The following AKR1C3 variants were observed in gnomAD, a reference collection of about 807,000 sequenced individuals.
AKR1C3 encodes aldo-keto reductase family 1 member C3, also known as 3-alpha hydroxysteroid dehydrogenase, type II.
Under a neutral mutation model 43.6 loss-of-function variants are expected in AKR1C3, and 48 were observed. That is an observed-to-expected ratio of 1.10 (90% CI 0.87 to 1.40). The LOEUF (loss-of-function observed/expected upper bound fraction) is 1.40, where lower values mean the gene tolerates loss of function less well. AKR1C3 is among the 40% of genes most tolerant of loss of function. The pLI is 0.00. For synonymous variants in AKR1C3, 162 were observed against 139.6 expected, an observed-to-expected ratio of 1.16 and a Z score of -1.13; for missense variants, 482 against 391.2, an observed-to-expected ratio of 1.23 and a Z score of -1.96.
chr10:5,090,979 T>G (rs1554784099), upstream of AKR1C3, among the ~76,000 whole-genome samples: 1 of 152,140 alleles, frequency 6.6e-6, no homozygotes, highest in African/African-American at 2.4e-5. Context: ...AAGTCAAGAA[T>G]GTTTTGATAG....
At chr10:5,067,506 G>T (rs1453393790) in intron 1 of AKR1C3, among the ~76,000 whole-genome samples, 1 of 152,180 alleles carries the variant, frequency 6.6e-6, no homozygotes, top group Non-Finnish European at 1.5e-5. Flanking sequence ...GATGTTCTCA[G>T]AAGATCCAAA....
At chr10:5,087,403 C>G (rs1342505836) in intron 1 of AKR1C3, among the ~76,000 whole-genome samples, 2 of 142,648 alleles carry the variant, frequency 1.4e-5, no homozygotes, top group African/African-American at 5.3e-5. Context: ...TTTTGAGGCT[C>G]GCTCTGTTGC....
chr10:5,096,054 T>C (rs1026884700), intron 1 of AKR1C3: 82 of 170,204 alleles, frequency 4.8e-4, no homozygotes, highest in Admixed American at 3.4e-3. Context: ...TCATATGAGC[T>C]TGCACCGTTT....
intron 1 of AKR1C3, among the ~76,000 whole-genome samples, chr10:5,069,901 C>T (rs367763041): frequency 1.1e-4 from 17 of 152,106 alleles, no homozygotes; most frequent in East Asian, 3.8e-4. Flanking sequence ...AGAGCCCTTC[C>T]GCCTTCTGCG....
At chr10:5,085,334 C>A (rs1370214142) in intron 1 of AKR1C3, among the ~76,000 whole-genome samples, 1 of 151,862 alleles carries the variant, frequency 6.6e-6, no homozygotes, top group South Asian at 2.1e-4. Context: ...TTGAGATAAT[C>A]ATGTGGTTTT....
chr10:5,099,178 G>A, intron 4 of AKR1C3, 149 bp from the exon 5 acceptor site: 1 of 1,342,396 alleles, frequency 7.4e-7, no homozygotes, highest in Non-Finnish European at 1.0e-6. Flanking sequence ...TCCCCTATTT[G>A]CTGTTTGAAT....
At chr10:5,084,781 G>A (rs1838923613) in intron 1 of AKR1C3, among the ~76,000 whole-genome samples, 2 of 152,136 alleles carry the variant, frequency 1.3e-5, no homozygotes, top group African/African-American at 2.4e-5. Context: ...TCTCCTTGAA[G>A]AGGTCCTTCA....
chr10:5,074,217 C>T (rs922132660), intron 1 of AKR1C3, among the ~76,000 whole-genome samples: 2 of 152,128 alleles, frequency 1.3e-5, no homozygotes, highest in African/African-American at 2.4e-5. Flanking sequence ...AGCTGTGCCC[C>T]GACCACGTTG....
chr10:5,092,654 C>T (rs982456495), upstream of AKR1C3, among the ~76,000 whole-genome samples: 2 of 151,998 alleles, frequency 1.3e-5, no homozygotes, highest in South Asian at 2.1e-4. Context: ...ATAATTTCTA[C>T]ATCATTGTTG....
chr10:5,063,978 G>A (rs111936879), intron 1 of AKR1C3, among the ~76,000 whole-genome samples: 1 of 151,912 alleles, frequency 6.6e-6, no homozygotes, highest in Non-Finnish European at 1.5e-5. Context: ...TAAATCCTTT[G>A]CTGTCATTTC....
rs781869638 is a variant in AKR1C3, at chr10:5,107,599, C to T, written c.*96C>T. The T allele has an allele frequency of 3.1e-6, 3 of 970,588 alleles. No individual in the cohort carries two copies. The highest frequency in any genetic ancestry group is 2.9e-4 in the Middle Eastern group (1 of 3,428). 60.1% of individuals were successfully genotyped at this position (970,588 alleles called of 1,614,324 possible). A position where few individuals can be genotyped will look rare whatever the true frequency, so the allele number is the denominator to read the frequency against. On this transcript the variant is annotated 3_prime_UTR_variant, in exon 9 of 9. Coordinates refer to ENST00000380554, the MANE Select transcript of AKR1C3 (RefSeq NM_003739.6). Reference sequence around the variant, plus strand: ...CCGGTGACTGGACATATCACCTCTACTTAAATCCGTCCTGTTTAGCGACTT... The same window carrying T: ...CCGGTGACTGGACATATCACCTCTATTTAAATCCGTCCTGTTTAGCGACTT...
At chr10:5,094,393 T>A, upstream of AKR1C3, 14 of 1,598,140 alleles carry the variant, frequency 8.8e-6, no homozygotes, top group Non-Finnish European at 1.2e-5. Context: ...GTTTTTGTAA[T>A]CTCTGAGGAG....
intron 3 of AKR1C3, 112 bp downstream of exon 3, chr10:5,097,662 G>C (rs1217747944): frequency 1.9e-6 from 3 of 1,581,460 alleles, no homozygotes; most frequent in Non-Finnish European, 2.6e-6. Flanking sequence ...TTATCACACA[G>C]AAGAAGAACC....
chr10:5,074,884 T>G (rs1554781660), intron 1 of AKR1C3, among the ~76,000 whole-genome samples: 1 of 152,168 alleles, frequency 6.6e-6, no homozygotes, highest in African/African-American at 2.4e-5. Flanking sequence ...ATTTTGTCTG[T>G]GTTATCTTAT....
At chr10:5,094,169 G>A (rs553768741), upstream of AKR1C3, 8 of 214,832 alleles carry the variant, frequency 3.7e-5, no homozygotes, top group East Asian at 1.4e-4. Flanking sequence ...TAGAGATTTA[G>A]AATAGAAAAT....
intron 1 of AKR1C3, among the ~76,000 whole-genome samples, chr10:5,087,332 C>G (rs1838989650): frequency 6.7e-6 from 1 of 150,122 alleles, no homozygotes; most frequent in South Asian, 2.1e-4. Context: ...CTGATACTCT[C>G]TTGTATTTCT....
At chr10:5,103,400 ATTAAATAGAGCTG>A (rs1354956654) in intron 7 of AKR1C3, among the ~76,000 whole-genome samples, 2 of 152,058 alleles carry the variant, frequency 1.3e-5, no homozygotes, top group Admixed American at 6.6e-5. Context: ...TAATTATACT[ATTAAATAGAGCTG>A]TTAAACAAAT....
rs142863051 is a variant in AKR1C3 at position 5,066,173 on chromosome 10, A to G, written c.84+17278A>G. Among the ~76,000 whole-genome samples the G allele has an allele frequency of 3.2e-4, 48 of 152,284 alleles. No individual in the cohort carries two copies. In the East Asian group the frequency reaches 6.0e-3, roughly 19 times the overall value. ...TTGTTATAGAGATTTGCAGGAGACA[A>G]ACAAAATTTTGCTTGTGGTGTGTTC... On this transcript the variant is annotated intron_variant, in intron 1 of 8. Transcript: ENST00000439082.
chr10:5,086,619 C>T (rs1476503180), intron 1 of AKR1C3, among the ~76,000 whole-genome samples: 4 of 151,894 alleles, frequency 2.6e-5, no homozygotes, highest in African/African-American at 9.7e-5. Flanking sequence ...GAGTTCAATT[C>T]CTGGGTATCC....
Sources: allele counts gnomAD v4.1 joint callset (sites outside exome capture counted in the v4.1 genomes callset), GRCh38; gene constraint gnomAD v4.1.1; transcripts MANE v1.5; gene names NCBI Gene and HGNC (gene_info 2026-07-23, HGNC 2026-07-21).